The following PRELID2 variants were observed in gnomAD, a reference collection of about 807,000 sequenced individuals.
PRELID2 encodes PRELI domain containing 2.
In PRELID2, 25 loss-of-function variants were observed where a neutral mutation model predicts 28.4. That is an observed-to-expected ratio of 0.88 (90% CI 0.64 to 1.23). PRELID2 has a LOEUF of 1.23. PRELID2 is among the 50% of genes most tolerant of loss of function. The pLI is 0.00. For synonymous variants in PRELID2, 76 were observed against 71.6 expected (o/e 1.06, Z -0.31); for missense variants, 201 against 214.4 (o/e 0.94, Z 0.39).
rs1225847608 is a variant in PRELID2, at chr5:145,835,190, C to G, written c.62G>C (p.Ser21Thr). The change falls in exon 1 of 7, where the codon AGC (serine) becomes ACC (threonine). Residue 21 changes from serine (S) to threonine (T), a missense_variant. Coordinates refer to ENST00000683046, the MANE Select transcript of PRELID2 (RefSeq NM_205846.3). ...YKYPFEQVVA[S>T]FLRKYPNPMD... ...GCGGGGCGGTACCTTTCGGAGAAAG[C>G]TGGCGACCACCTGCTCGAAGGGGTA... is the stretch of plus-strand genomic sequence containing the variant. 30 of 1,549,562 alleles carry G rather than the reference C, an allele frequency of 1.9e-5. No homozygotes were observed. Among genetic ancestry groups the G allele is most frequent in the Admixed American group, 5.9e-5 (3 of 50,966 alleles).
At chr5:145,543,016 C>T (rs1182544040) in intron 1 of PRELID2, among the ~76,000 whole-genome samples, 2 of 152,056 alleles carry the variant, frequency 1.3e-5, no homozygotes, top group Non-Finnish European at 2.9e-5. Flanking sequence ...CTTTTTCTTC[C>T]TGCTCTTTGC....
rs140606960 is a variant in PRELID2 at position 145,483,466 on chromosome 5, A to G, written n.71-10151T>C. On this transcript the variant is annotated intron_variant and non_coding_transcript_variant, in intron 1 of 2. Transcript: ENST00000510259. ...CACATGAGCTAGCCACAGTCCTAAG[A>G]CCAGCCTAGTCTAGTCCAGACCAGA... Among the ~76,000 whole-genome samples the G allele has an allele frequency of 6.4e-3, 974 of 152,312 alleles. 13 individuals carry two copies. Among genetic ancestry groups the G allele is most frequent in the African/African-American group, 0.022 (918 of 41,570 alleles).
chr5:145,731,439 C>T (rs1756343224), intron 1 of PRELID2, among the ~76,000 whole-genome samples: 1 of 152,228 alleles, frequency 6.6e-6, no homozygotes, highest in Admixed American at 6.5e-5. Flanking sequence ...CACTGTGGAA[C>T]TCTTCATTCC....
intron 1 of PRELID2, among the ~76,000 whole-genome samples, chr5:145,594,566 A>G (rs879707693): frequency 6.6e-6 from 1 of 152,188 alleles, no homozygotes; most frequent in Non-Finnish European, 1.5e-5. Context: ...TCCTCATCAC[A>G]GTATTATACA....
intron 4 of PRELID2, among the ~76,000 whole-genome samples, chr5:145,814,355 G>A (rs1258570737): frequency 6.6e-6 from 1 of 152,154 alleles, no homozygotes; most frequent in Non-Finnish European, 1.5e-5. Context: ...TACATACAAA[G>A]AAAGGAGCTC....
At chr5:145,811,911 A>G (rs1240057316) in intron 4 of PRELID2, among the ~76,000 whole-genome samples, 1 of 152,192 alleles carries the variant, frequency 6.6e-6, no homozygotes, top group African/African-American at 2.4e-5. Context: ...GAAAACATGA[A>G]GAGGAAAAAA....
At chr5:145,424,904 G>A in the PRELID2 span, among the ~76,000 whole-genome samples, 1 of 152,138 alleles carries the variant, frequency 6.6e-6, no homozygotes, top group Non-Finnish European at 1.5e-5. Flanking sequence ...TGCAACAGAA[G>A]CCAAAATTGA....
chr5:145,258,590 T>C, the PRELID2 span, among the ~76,000 whole-genome samples: 1 of 152,178 alleles, frequency 6.6e-6, no homozygotes, highest in African/African-American at 2.4e-5. Context: ...GTAGAACAAA[T>C]TTCGAAGCAG....
chr5:145,335,347 AT>A, the PRELID2 span, among the ~76,000 whole-genome samples: 2 of 151,702 alleles, frequency 1.3e-5, no homozygotes, highest in African/African-American at 2.4e-5. Context: ...ATAACTTCTA[AT>A]TTTTTTATGT....
chr5:145,391,696 T>TA, the PRELID2 span, among the ~76,000 whole-genome samples: 1 of 152,230 alleles, frequency 6.6e-6, no homozygotes, highest in African/African-American at 2.4e-5. Context: ...TTTTTTTTTT[T>TA]TTCTATTGCA....
chr5:145,619,631 C>A (rs939690751), intron 1 of PRELID2, among the ~76,000 whole-genome samples: 1 of 152,292 alleles, frequency 6.6e-6, no homozygotes, highest in South Asian at 2.1e-4. Context: ...TTTATTCCTG[C>A]GGTCATTCTG....
rs1246806165 is a variant in PRELID2 at position 145,756,431 on chromosome 5, C to G, written c.*4105G>C. On this transcript the variant is annotated 3_prime_UTR_variant, in exon 7 of 7. Transcript: ENST00000683046. ...TTTATAGCTCTATATCACAATAACA[C>G]TGAATCAGAAACACTTCATCCCACA... Among the ~76,000 whole-genome samples, 1 of 152,190 alleles carries G rather than the reference C, an allele frequency of 6.6e-6. No homozygotes were observed. The highest frequency in any genetic ancestry group is 1.5e-5 in the Non-Finnish European group (1 of 68,040).
rs891577964 is a variant in PRELID2 at position 145,835,342 on chromosome 5, C to G, written c.-91G>C. ...GCAGAGGCCCGGAGGCGCCCACACT[C>G]GGACAGCCACATGGGCGTGGCCTTT... On this transcript the variant is annotated 5_prime_UTR_variant, in exon 1 of 7. Transcript: ENST00000683046. 78 of 783,448 alleles carry G rather than the reference C, an allele frequency of 1.0e-4. No individual in the cohort carries two copies. Among genetic ancestry groups the G allele is most frequent in the Non-Finnish European group, 6.2e-5 (30 of 487,030 alleles). The allele number at this position is 783,448 out of a possible 1,614,324, so 48.5% of individuals were successfully genotyped here. A position where few individuals can be genotyped will look rare whatever the true frequency, so the allele number is the denominator to read the frequency against.
chr5:145,240,845 G>A, the PRELID2 span, among the ~76,000 whole-genome samples: 36,438 of 151,830 alleles, frequency 0.24, 5,395 homozygotes, highest in Non-Finnish European at 0.31. Context: ...TACATTTAGT[G>A]AATATTATAG....
chr5:145,299,290 T>A, the PRELID2 span, among the ~76,000 whole-genome samples: 1 of 152,086 alleles, frequency 6.6e-6, no homozygotes, highest in African/African-American at 2.4e-5. Context: ...AGATTTTTAA[T>A]TGTCTCATAA....
At chr5:145,262,065 G>A in the PRELID2 span, among the ~76,000 whole-genome samples, 1 of 152,102 alleles carries the variant, frequency 6.6e-6, no homozygotes, top group African/African-American at 2.4e-5. Context: ...GAAAGTCTCA[G>A]CAATAGAATC....
At chr5:145,808,641 T>C (rs544962705) in intron 4 of PRELID2, among the ~76,000 whole-genome samples, 14 of 151,978 alleles carry the variant, frequency 9.2e-5, no homozygotes, top group Non-Finnish European at 1.6e-4. Context: ...TCCCAGCACT[T>C]TGGGAGGTCA....
At chr5:145,665,177 T>C (rs1351730058) in intron 1 of PRELID2, among the ~76,000 whole-genome samples, 1 of 152,102 alleles carries the variant, frequency 6.6e-6, no homozygotes, top group Non-Finnish European at 1.5e-5. Context: ...AACTCTACAA[T>C]ACAACCTAAG....
At chr5:145,277,849 C>A in the PRELID2 span, among the ~76,000 whole-genome samples, 1 of 152,186 alleles carries the variant, frequency 6.6e-6, no homozygotes, top group East Asian at 1.9e-4. Flanking sequence ...GATGTTGAGT[C>A]TGCATTACAC....
Sources: allele counts gnomAD v4.1 joint callset (sites outside exome capture counted in the v4.1 genomes callset), GRCh38; gene constraint gnomAD v4.1.1; transcripts MANE v1.5; gene names NCBI Gene and HGNC (gene_info 2026-07-23, HGNC 2026-07-21).